Variants in TICRR observed in about 807,000 individuals in gnomAD.
TICRR encodes the protein treslin.
A neutral mutation model predicts 178.1 loss-of-function variants in TICRR; 132 were observed. The observed-to-expected ratio is 0.74, with a 90% confidence interval of 0.64 to 0.86. The LOEUF (loss-of-function observed/expected upper bound fraction) is 0.86. TICRR is among the 40% of genes least tolerant of loss of function. The pLI, the probability that TICRR is intolerant of heterozygous loss-of-function variation, is 0.00. For synonymous variants in TICRR, 991 were observed against 900.7 expected, an observed-to-expected ratio of 1.10 and a Z score of -1.79; for missense variants, 2,587 against 2,334.3, an observed-to-expected ratio of 1.11 and a Z score of -2.23.
intron 14 of TICRR, among the ~76,000 whole-genome samples, chr15:89,608,214 G>A (rs1303662273): frequency 6.6e-6 from 1 of 152,060 alleles, no homozygotes; most frequent in African/African-American, 2.4e-5. Context: ...AATTCGTAAT[G>A]GAATACTACA....
chr15:89,595,425 A>G lies in TICRR; in HGVS notation c.1714A>G (p.Met572Val), dbSNP rs1465453629. The change falls in exon 7 of 22, where the codon ATG becomes GTG. Residue 572 changes from methionine (M) to valine (V), a missense_variant. Transcript: ENST00000268138. Reference protein sequence around the residue: ...GVPRTPVRQKMNTMCRSLKML... With the variant: ...GVPRTPVRQKVNTMCRSLKML... The stretch of plus-strand genomic sequence containing the variant: ...CCCTCGTACTCCAGTGAGACAGAAG[A>G]TGAATACCATGTGCCGTTCCTTAAA... 6.2e-7 allele frequency: 1 copy of G among 1,614,084 alleles called. No individual in the cohort carries two copies. The highest frequency in any genetic ancestry group is 8.5e-7 in the Non-Finnish European group (1 of 1,180,008).
intron 18 of TICRR, among the ~76,000 whole-genome samples, chr15:89,620,479 A>G (rs1963406096): frequency 6.6e-6 from 1 of 152,176 alleles, no homozygotes; most frequent in South Asian, 2.1e-4. Context: ...AAGTGCTGGG[A>G]TTACAAGTGT....
intron 6 of TICRR, 85 bp downstream of exon 6, chr15:89,594,639 T>A (rs1962966754): frequency 7.9e-7 from 1 of 1,265,738 alleles, no homozygotes; most frequent in Non-Finnish European, 1.1e-6. Context: ...GAAATGAGGT[T>A]GAAATGGTAA....
chr15:89,617,263 A>G (rs1253950605), intron 16 of TICRR, among the ~76,000 whole-genome samples: 1 of 152,134 alleles, frequency 6.6e-6, no homozygotes, highest in Non-Finnish European at 1.5e-5. Flanking sequence ...GATTTTACAC[A>G]CTTGTGAAGT....
At chr15:89,579,613 T>C (rs548091965) in intron 1 of TICRR, among the ~76,000 whole-genome samples, 36 of 152,252 alleles carry the variant, frequency 2.4e-4, no homozygotes, top group Admixed American at 2.4e-3. Flanking sequence ...CCCAAAGTGC[T>C]GGGATTACAG....
chr15:89,599,771 T>C (rs1382284379), intron 8 of TICRR, among the ~76,000 whole-genome samples: 2 of 152,216 alleles, frequency 1.3e-5, no homozygotes, highest in African/African-American at 4.8e-5. Context: ...CAGTGGTTTT[T>C]AACCCTGGCT....
In TICRR at chr15:89,599,487, C is replaced by T. The variant is rs368859895; in HGVS notation, c.2052+12C>T. On this transcript the variant is annotated intron_variant, in intron 8 of 21. Coordinates refer to ENST00000268138, the MANE Select transcript of TICRR (RefSeq NM_152259.4). ...CCAAGGAATTAGAAGTAAGAGGGTC[C>T]AGATATTGTTGTTTGTCATGGATGT... 6.2e-7 allele frequency: 1 copy of T among 1,607,078 alleles called. No individual in the cohort carries two copies. Among genetic ancestry groups the T allele is most frequent in the Non-Finnish European group, 8.5e-7 (1 of 1,177,794 alleles).
chr15:89,604,035 T>TG (rs1963137396), intron 13 of TICRR, among the ~76,000 whole-genome samples: 1 of 151,730 alleles, frequency 6.6e-6, no homozygotes, highest in African/African-American at 2.4e-5. Flanking sequence ...TTTTATTGGT[T>TG]GAAAAAAAAA....
intron 15 of TICRR, among the ~76,000 whole-genome samples, chr15:89,614,666 C>T (rs1963306906): frequency 6.6e-6 from 1 of 152,222 alleles, no homozygotes. Context: ...GCAGCTGTAA[C>T]AATCAGATCC....
chr15:89,610,372 A>G (rs188304710), intron 15 of TICRR, among the ~76,000 whole-genome samples: 2 of 152,232 alleles, frequency 1.3e-5, no homozygotes, highest in Non-Finnish European at 2.9e-5. Context: ...TTTCTGCTTC[A>G]TGTATTTTGA....
intron 7 of TICRR, among the ~76,000 whole-genome samples, chr15:89,598,325 T>C (rs1963034796): frequency 6.6e-6 from 1 of 151,568 alleles, no homozygotes; most frequent in Non-Finnish European, 1.5e-5. Flanking sequence ...TCATGTCATA[T>C]CACCAAAGAC....
intron 14 of TICRR, among the ~76,000 whole-genome samples, chr15:89,608,125 C>G (rs1003088099): frequency 3.9e-5 from 6 of 152,106 alleles, no homozygotes; most frequent in Non-Finnish European, 7.4e-5. Context: ...AGAATTATGT[C>G]CATCTTACAT....
rs1241396976 is a variant in TICRR at position 89,624,003 on chromosome 15, A to G, written c.3693A>G (p.Ser1231=). The G allele has an allele frequency of 6.2e-7, 1 of 1,613,634 alleles. No homozygotes were observed. Among genetic ancestry groups the G allele is most frequent in the South Asian group, 1.1e-5 (1 of 91,064 alleles). Residue 1231 remains serine (S), a synonymous_variant, in exon 20 of 22, where the codon TCA becomes TCG. Transcript: ENST00000268138. ...CCTCCTGTCCAGCCCCTCCAACTTCATCGACTGCCCAGCCCAGGAGAGAGT... is the reference window on the plus strand; with the variant it reads ...CCTCCTGTCCAGCCCCTCCAACTTCGTCGACTGCCCAGCCCAGGAGAGAGT... The part of the protein sequence containing the change: ...ESPSCPAPPT[S]STAQPRRECL...
In TICRR at chr15:89,576,856, TATATAC is replaced by T. The variant is rs1332281451; in HGVS notation, c.654+618_654+623del. Reference sequence around the variant, plus strand: ...ATATATATATATATATATATATATATATATACACACACACACATATATATACACATT... The same window carrying T: ...ATATATATATATATATATATATATATACACACACACATATATATACACATT... On this transcript the variant is annotated intron_variant, in intron 1 of 21. Coordinates refer to ENST00000268138, the MANE Select transcript of TICRR (RefSeq NM_152259.4). Among the ~76,000 whole-genome samples, 181 of 114,978 alleles carry T rather than the reference TATATAC, an allele frequency of 1.6e-3. 1 individual carries two copies. Among genetic ancestry groups the T allele is most frequent in the African/African-American group, 5.9e-3 (164 of 27,744 alleles). The allele number at this position is 114,978 out of a possible 152,430, so 75.4% of individuals were successfully genotyped here.
In TICRR at chr15:89,601,867, TCAC is replaced by T; in HGVS notation, c.2462_2464del (p.Pro821del). The T allele has an allele frequency of 6.2e-7, 1 of 1,614,138 alleles. No homozygotes were observed. The highest frequency in any genetic ancestry group is 8.5e-7 in the Non-Finnish European group (1 of 1,180,018). ...TGACTCCATGACACAAGAGAACAAA[TCAC>T]CACTTCTTTCTGTGCCTTTTTTGTC... On this transcript the variant is annotated inframe_deletion, in exon 12 of 22. Coordinates refer to ENST00000268138, the MANE Select transcript of TICRR (RefSeq NM_152259.4).
At chr15:89,606,718 T>C (rs745420168) in intron 13 of TICRR, 50 bp from the exon 14 acceptor site, 19 of 1,446,878 alleles carry the variant, frequency 1.3e-5, no homozygotes, top group Non-Finnish European at 1.8e-5. Flanking sequence ...ATTCTTTTAT[T>C]TCAATGAATG....
At chr15:89,593,150 C>T (rs748041867) in intron 5 of TICRR, among the ~76,000 whole-genome samples, 48 of 152,128 alleles carry the variant, frequency 3.2e-4, no homozygotes, top group Admixed American at 1.3e-4. Context: ...TCAGTTTCCA[C>T]GCACACAAAC....
rs753827803 is a variant in TICRR, at chr15:89,625,611, G to C, written c.5301G>C (p.Gln1767His). 4 of 1,613,228 alleles carry C rather than the reference G, an allele frequency of 2.5e-6. No homozygotes were observed. In the South Asian group the frequency reaches 4.4e-5, roughly 18 times the overall value. ...PKAEEASSWG[Q>H]FGLSSRKRVL... ...CCGAGGAAGCCTCTTCCTGGGGACA[G>C]TTTGGGTTGAGTTCCAGGAAGAGAG... The change falls in exon 20 of 22, where the codon CAG (glutamine) becomes CAC (histidine). Residue 1767 changes from glutamine (Q) to histidine (H), a missense_variant. Transcript: ENST00000268138.
At chr15:89,621,961 C>G (rs1963432536) in intron 19 of TICRR, among the ~76,000 whole-genome samples, 1 of 141,366 alleles carries the variant, frequency 7.1e-6, no homozygotes, top group Non-Finnish European at 1.5e-5. Context: ...GAGTCCTGCC[C>G]ATTTTATTTA....
Sources: allele counts gnomAD v4.1 joint callset (sites outside exome capture counted in the v4.1 genomes callset), GRCh38; gene constraint gnomAD v4.1.1; transcripts MANE v1.5; gene names NCBI Gene and HGNC (gene_info 2026-07-23, HGNC 2026-07-21).